Variants in NR1H3 observed in about 807,000 individuals in gnomAD.
NR1H3 encodes the protein oxysterols receptor LXR-alpha.
A neutral mutation model predicts 48.1 loss-of-function variants in NR1H3; 19 were observed. The ratio of observed to expected loss-of-function variants is 0.40; its 90% CI spans 0.28 to 0.58. The LOEUF (loss-of-function observed/expected upper bound fraction) is 0.58, where lower values mean the gene tolerates loss of function less well. Among genes scored for constraint, NR1H3 ranks in the 20% least tolerant of loss-of-function variants. The pLI, the probability that NR1H3 is intolerant of heterozygous loss-of-function variation, is 0.50. For missense variants in NR1H3, 486 were observed against 595.9 expected (o/e 0.82, Z 1.92); for synonymous variants, 232 against 227.3 (o/e 1.02, Z -0.19).
At chr11:47,265,606 G>C (rs903310479) in intron 7 of NR1H3, among the ~76,000 whole-genome samples, 4 of 152,186 alleles carry the variant, frequency 2.6e-5, no homozygotes, top group South Asian at 2.1e-4. Context: ...AGGCGCGGTG[G>C]CTCATGCCTG....
At chr11:47,264,427 CT>C (rs894130409) in intron 7 of NR1H3, among the ~76,000 whole-genome samples, 2 of 152,232 alleles carry the variant, frequency 1.3e-5, no homozygotes, top group African/African-American at 4.8e-5. Context: ...ATGTTGGCAC[CT>C]TTTGCCTTCT....
At chr11:47,255,551 TTC>T (rs1421798790), upstream of NR1H3, among the ~76,000 whole-genome samples, 1 of 56,714 alleles carries the variant, frequency 1.8e-5, no homozygotes, top group Non-Finnish European at 3.5e-5. Flanking sequence ...TTTTCTTTCT[TTC>T]TTTCTTTCTT....
upstream of NR1H3, among the ~76,000 whole-genome samples, chr11:47,253,134 C>CATGTGTGTGTGTGTGTGTGTGTGTGT (rs1554980522): frequency 1.4e-5 from 2 of 147,654 alleles, no homozygotes; most frequent in Admixed American, 1.3e-4. Context: ...AATTTTTGTG[C>CATGTGTGTGTGTGTGTGTGTGTGTGT]GTGTGTGTGT....
upstream of NR1H3, among the ~76,000 whole-genome samples, chr11:47,253,135 G>T (rs1260752481): frequency 1.5e-5 from 1 of 65,578 alleles, no homozygotes; most frequent in East Asian, 1.4e-3. Context: ...ATTTTTGTGC[G>T]TGTGTGTGTT....
upstream of NR1H3, chr11:47,248,877 G>T: frequency 6.5e-7 from 1 of 1,549,688 alleles, no homozygotes; most frequent in East Asian, 2.4e-5. Context: ...AAGGACACAC[G>T]CCGGAAGTGC....
intron 7 of NR1H3, among the ~76,000 whole-genome samples, chr11:47,263,058 G>A (rs1015624913): frequency 2.2e-4 from 34 of 152,134 alleles, no homozygotes; most frequent in Admixed American, 1.3e-3. Flanking sequence ...GGGAGGCACA[G>A]GAATGTCCTT....
At chr11:47,267,056 C>T (rs1956561018) in intron 7 of NR1H3, among the ~76,000 whole-genome samples, 1 of 152,022 alleles carries the variant, frequency 6.6e-6, no homozygotes. Context: ...CCTGTAATCC[C>T]AGCACTTTGG....
chr11:47,258,003 T>A lies in NR1H3; in HGVS notation c.-164T>A, dbSNP rs536664529. ...ACTTCTCTGGGGCTCCAGGTCCTGC[T>A]TGTGCTCAGCTCCAGCTCACTGGCT... On this transcript the variant is annotated 5_prime_UTR_variant, in exon 1 of 10. In the 5' UTR this introduces an upstream ATG that the reference lacks. Coordinates refer to ENST00000441012, the MANE Select transcript of NR1H3 (RefSeq NM_005693.4). The A allele has an allele frequency of 1.0e-6, 1 of 985,806 alleles. No individual in the cohort carries two copies. The highest frequency in any genetic ancestry group is 4.7e-5 in the South Asian group (1 of 21,276). The allele number at this position is 985,806 out of a possible 1,614,324, so 61.1% of individuals were successfully genotyped here.
At chr11:47,268,201 T>G in intron 8 of NR1H3, 60 bp from the exon 9 acceptor site, 1 of 1,504,644 alleles carries the variant, frequency 6.6e-7, no homozygotes, top group South Asian at 1.1e-5. Flanking sequence ...TGGTTGCAAT[T>G]TGGGGTATGG....
At chr11:47,254,484 G>A (rs185111519), upstream of NR1H3, among the ~76,000 whole-genome samples, 3 of 152,266 alleles carry the variant, frequency 2.0e-5, no homozygotes, top group African/African-American at 7.2e-5. Flanking sequence ...TTCCAGGACA[G>A]CTGGGGCCTT....
chr11:47,261,307 C>A lies in NR1H3; in HGVS notation c.566C>A (p.Ala189Asp), dbSNP rs149760477. The A allele has an allele frequency of 1.9e-6, 3 of 1,614,080 alleles. No individual in the cohort carries two copies. Among genetic ancestry groups the A allele is most frequent in the Non-Finnish European group, 2.5e-6 (3 of 1,180,010 alleles). ...CGGCAAGAGGAGGAACAGGCTCATG[C>A]CACATCCTTGCCCCCCAGGGCTTCC... ...LKRQEEEQAH[A>D]TSLPPRASSP... is the part of the protein sequence containing the mutation. Residue 189 changes from alanine (A) to aspartate (D), a missense_variant, in exon 5 of 10, where the codon GCC becomes GAC. By Grantham distance (126) the Ala-to-Asp change is moderately radical (BLOSUM62 -2). Coordinates refer to ENST00000441012, the MANE Select transcript of NR1H3 (RefSeq NM_005693.4).
At chr11:47,262,040 G>T (rs767747107) in intron 7 of NR1H3, 22 bp downstream of exon 7, 2 of 1,555,808 alleles carry the variant, frequency 1.3e-6, no homozygotes, top group Admixed American at 3.4e-5. Context: ...GATCACACAG[G>T]GATTGGGGTT....
intron 6 of NR1H3, 58 bp downstream of exon 6, chr11:47,261,784 G>A: frequency 1.9e-6 from 3 of 1,611,496 alleles, no homozygotes; most frequent in East Asian, 2.2e-5. Flanking sequence ...TCTGTGGGAG[G>A]GGCCTCCAGA....
upstream of NR1H3, chr11:47,248,534 A>G (rs1008062283): frequency 6.4e-7 from 1 of 1,551,422 alleles, no homozygotes; most frequent in African/African-American, 1.4e-5. Flanking sequence ...CTCCAGGTCA[A>G]TCCTGAATCC....
chr11:47,259,447 C>A, intron 2 of NR1H3, 188 bp downstream of exon 2: 1 of 1,552,554 alleles, frequency 6.4e-7, no homozygotes, highest in Non-Finnish European at 8.7e-7. Context: ...CTTGCAGGCA[C>A]CCGCCCAGTC....
intron 7 of NR1H3, among the ~76,000 whole-genome samples, chr11:47,267,531 C>T (rs1469652789): frequency 1.3e-4 from 19 of 143,170 alleles, no homozygotes; most frequent in Middle Eastern, 3.6e-3. Flanking sequence ...TTTTTTTTGA[C>T]GGAATCTCGC....
At chr11:47,257,520 A>C, upstream of NR1H3, 2 of 306,200 alleles carry the variant, frequency 6.5e-6, no homozygotes, top group Non-Finnish European at 9.6e-6. Flanking sequence ...GCCTGGGGCT[A>C]GTGGGGAGAG....
chr11:47,259,900 G>A lies in NR1H3; in HGVS notation c.153G>A (p.Gly51=), dbSNP rs529690552. The change falls in exon 3 of 10, where the codon GGG becomes GGA. Residue 51 remains glycine (G), a synonymous_variant. Transcript: ENST00000441012. ...REEARMPHSA[G]GTAGVGLEAA... ...AAGCCAGGATGCCCCACTCTGCTGG[G>A]GGTACTGCAGGGGTGGGGCTGGAGG... The A allele has an allele frequency of 6.2e-7, 1 of 1,612,106 alleles. No individual in the cohort carries two copies. Among genetic ancestry groups the A allele is most frequent in the South Asian group, 1.1e-5 (1 of 90,878 alleles).
Position 47,268,578 on chromosome 11 carries a change from T to G in NR1H3, c.1226T>G (p.Met409Arg). 6.2e-7 allele frequency: 1 copy of G among 1,614,232 alleles called. No homozygotes were observed. The highest frequency in any genetic ancestry group is 8.5e-7 in the Non-Finnish European group (1 of 1,180,028). ...HDRLMFPRMLMKLVSLRTLSS... is the reference protein window; with the variant it reads ...HDRLMFPRMLRKLVSLRTLSS... Reference sequence around the variant, plus strand: ...CGACTGATGTTCCCACGGATGCTAATGAAACTGGTGAGCCTCCGGACCCTG... The same window carrying G: ...CGACTGATGTTCCCACGGATGCTAAGGAAACTGGTGAGCCTCCGGACCCTG... The change falls in exon 10 of 10, where the codon ATG becomes AGG. Residue 409 changes from methionine to arginine, a missense_variant. Met to Arg is a moderately conservative substitution (Grantham distance 91). Transcript: ENST00000441012.
Sources: allele counts gnomAD v4.1 joint callset (sites outside exome capture counted in the v4.1 genomes callset), GRCh38; gene constraint gnomAD v4.1.1; transcripts MANE v1.5; gene names NCBI Gene and HGNC (gene_info 2026-07-23, HGNC 2026-07-21).